CADM1: variants seen among roughly 807,000 people sequenced by gnomAD.
CADM1 encodes the protein TSLC-1.
CADM1 carries 15 observed loss-of-function variants against 53.1 expected under a neutral mutation model. The observed-to-expected ratio is 0.28, with a 90% CI of 0.19 to 0.44. The LOEUF (loss-of-function observed/expected upper bound fraction) is 0.44, where lower values mean the gene tolerates loss of function less well. Ranked by LOEUF, CADM1 falls within the 20% of genes least tolerant of loss-of-function variation. CADM1 has a pLI of 1.00. For missense variants in CADM1, 434 were observed against 611.3 expected, an observed-to-expected ratio of 0.71 and a Z score of 3.06; for synonymous variants, 281 against 243.0, an observed-to-expected ratio of 1.16 and a Z score of -1.45.
chr11:115,493,358 A>T (rs755073788), intron 1 of CADM1, among the ~76,000 whole-genome samples: 3 of 151,906 alleles, frequency 2.0e-5, no homozygotes, highest in Non-Finnish European at 4.4e-5. Context: ...CAAGTAGAGG[A>T]ATTACAGAAT....
At chr11:115,474,696 C>T (rs570529215) in intron 1 of CADM1, among the ~76,000 whole-genome samples, 185 of 99,436 alleles carry the variant, frequency 1.9e-3, no homozygotes, top group Middle Eastern at 0.022. Context: ...CAGGGCCAGT[C>T]GTGGGGTGGG....
chr11:115,267,808 T>C (rs903048238), intron 1 of CADM1, among the ~76,000 whole-genome samples: 1 of 151,718 alleles, frequency 6.6e-6, no homozygotes, highest in Admixed American at 6.6e-5. Flanking sequence ...GGTGGACAGT[T>C]TAACCTCCGA....
chr11:115,454,584 G>GGGT (rs1485523166), intron 1 of CADM1, among the ~76,000 whole-genome samples: 1 of 152,168 alleles, frequency 6.6e-6, no homozygotes, highest in Admixed American at 6.6e-5. Context: ...CTCATAAAAT[G>GGGT]TGAAGATCCT....
chr11:115,246,362 C>T (rs886905060), intron 1 of CADM1, among the ~76,000 whole-genome samples: 9 of 152,148 alleles, frequency 5.9e-5, no homozygotes, highest in African/African-American at 2.2e-4. Context: ...TTATGAATGC[C>T]AACCATACAG....
intron 5 of CADM1, among the ~76,000 whole-genome samples, chr11:115,219,296 C>T (rs1284171712): frequency 6.6e-6 from 1 of 152,160 alleles, no homozygotes; most frequent in African/African-American, 2.4e-5. Flanking sequence ...ATATAAGCTG[C>T]ACAAGGAAGT....
intron 1 of CADM1, among the ~76,000 whole-genome samples, chr11:115,404,346 A>AAAAAAAAAAT (rs1947251974): frequency 1.5e-4 from 5 of 33,782 alleles, no homozygotes; most frequent in African/African-American, 2.7e-4. Flanking sequence ...AAAAAAAAAA[A>AAAAAAAAAAT]ATATATATAT....
intron 9 of CADM1, among the ~76,000 whole-genome samples, chr11:115,195,621 G>A (rs1940108584): frequency 6.6e-6 from 1 of 152,162 alleles, no homozygotes; most frequent in African/African-American, 2.4e-5. Context: ...TCAAATGGTT[G>A]CTGTAATGAA....
chr11:115,444,237 C>G (rs937820288), intron 1 of CADM1, among the ~76,000 whole-genome samples: 1 of 152,066 alleles, frequency 6.6e-6, no homozygotes, highest in African/African-American at 2.4e-5. Context: ...GTTAATAAAG[C>G]CTTCTGCAAA....
chr11:115,284,851 G>T (rs1408341106), intron 1 of CADM1, among the ~76,000 whole-genome samples: 1 of 152,184 alleles, frequency 6.6e-6, no homozygotes, highest in Non-Finnish European at 1.5e-5. Flanking sequence ...CGTCTAAGTG[G>T]TTAATGCAGG....
chr11:115,371,677 T>G (rs1374823436), intron 1 of CADM1, among the ~76,000 whole-genome samples: 1 of 150,668 alleles, frequency 6.6e-6, no homozygotes, highest in Non-Finnish European at 1.5e-5. Context: ...CTTGCTCTGT[T>G]GCCCAGGCTG....
At chr11:115,276,239 AT>A (rs1943439886) in intron 1 of CADM1, among the ~76,000 whole-genome samples, 1 of 152,238 alleles carries the variant, frequency 6.6e-6, no homozygotes, top group Non-Finnish European at 1.5e-5. Flanking sequence ...ATGCTCTGGC[AT>A]TTAATTTCCA....
At chr11:115,232,142 G>T (rs187128858) in intron 3 of CADM1, among the ~76,000 whole-genome samples, 164 of 152,242 alleles carry the variant, frequency 1.1e-3, no homozygotes, top group African/African-American at 3.8e-3. Flanking sequence ...ACATGCTATT[G>T]AAATGATCAT....
At chr11:115,420,041 C>T (rs1264129785) in intron 1 of CADM1, among the ~76,000 whole-genome samples, 1 of 152,124 alleles carries the variant, frequency 6.6e-6, no homozygotes, top group African/African-American at 2.4e-5. Flanking sequence ...GGTGTGTATA[C>T]CTGGGGTGCT....
At chr11:115,342,112 C>G (rs561630341) in intron 1 of CADM1, among the ~76,000 whole-genome samples, 3 of 152,274 alleles carry the variant, frequency 2.0e-5, no homozygotes, top group African/African-American at 7.2e-5. Context: ...AGCCATTTGT[C>G]CTGTCACTGA....
intron 1 of CADM1, among the ~76,000 whole-genome samples, chr11:115,411,777 C>A (rs1403056234): frequency 6.6e-6 from 1 of 152,048 alleles, no homozygotes; most frequent in East Asian, 1.9e-4. Context: ...AATACCCTCA[C>A]TGGTAAGCTG....
intron 1 of CADM1, among the ~76,000 whole-genome samples, chr11:115,353,871 G>C (rs1169182476): frequency 6.6e-6 from 1 of 152,128 alleles, no homozygotes. Context: ...TCAGGAACTA[G>C]GAGTATTCAA....
intron 1 of CADM1, among the ~76,000 whole-genome samples, chr11:115,472,466 TGA>T (rs372055333): frequency 6.6e-5 from 10 of 152,290 alleles, no homozygotes; most frequent in African/African-American, 1.7e-4. Flanking sequence ...GGTGTGTGTG[TGA>T]GAGAGAGTGC....
intron 1 of CADM1, among the ~76,000 whole-genome samples, chr11:115,268,345 T>C (rs1943204358): frequency 6.6e-6 from 1 of 152,206 alleles, no homozygotes; most frequent in South Asian, 2.1e-4. Context: ...GCCTGTGAGG[T>C]GGAAAGGTTG....
intron 1 of CADM1, among the ~76,000 whole-genome samples, chr11:115,242,896 G>C (rs1471451757): frequency 2.0e-5 from 3 of 152,126 alleles, no homozygotes; most frequent in Non-Finnish European, 4.4e-5. Flanking sequence ...GGAAATAACT[G>C]TATGCTTTAA....
Sources: allele counts gnomAD v4.1 joint callset (sites outside exome capture counted in the v4.1 genomes callset), GRCh38; gene constraint gnomAD v4.1.1; transcripts MANE v1.5; gene names NCBI Gene and HGNC (gene_info 2026-07-23, HGNC 2026-07-21).